The following MFSD11 variants were observed in gnomAD, a reference collection of about 807,000 sequenced individuals.
MFSD11 encodes the protein major facilitator superfamily domain containing 11, also known as UNC93-like protein MFSD11.
MFSD11 carries 36 observed loss-of-function variants against 53.5 expected under a neutral mutation model. The ratio of observed to expected loss-of-function variants is 0.67; its 90% CI spans 0.52 to 0.89. The LOEUF (loss-of-function observed/expected upper bound fraction) is 0.89, where lower values mean the gene tolerates loss of function less well. Among genes scored for constraint, MFSD11 ranks in the 40% least tolerant of loss-of-function variants. The pLI is 0.00. For synonymous variants in MFSD11, 186 were observed against 184.9 expected (o/e 1.01, Z -0.05); for missense variants, 530 against 543.9 (o/e 0.97, Z 0.25).
chr17:76,780,597 C>T (rs191706865), downstream of MFSD11, among the ~76,000 whole-genome samples: 7 of 151,674 alleles, frequency 4.6e-5, no homozygotes, highest in Admixed American at 4.6e-4. Flanking sequence ...CTCACTGCAA[C>T]CTCCGCCTCC....
intron 7 of MFSD11, among the ~76,000 whole-genome samples, chr17:76,753,815 G>T (rs1343301428): frequency 6.6e-6 from 1 of 152,054 alleles, no homozygotes; most frequent in Non-Finnish European, 1.5e-5. Flanking sequence ...TAATCTGAAA[G>T]AATAGTCTTC....
chr17:76,754,172 A>C, intron 8 of MFSD11, 85 bp downstream of exon 8: 1 of 1,089,532 alleles, frequency 9.2e-7, no homozygotes, highest in Non-Finnish European at 1.4e-6. Flanking sequence ...GTAACTTTGG[A>C]TTGATGACAC....
chr17:76,749,611 G>C (rs2078867288), intron 7 of MFSD11, among the ~76,000 whole-genome samples: 1 of 151,660 alleles, frequency 6.6e-6, no homozygotes, highest in African/African-American at 2.4e-5. Flanking sequence ...AATAAAGCAG[G>C]CTGGGCACGG....
At chr17:76,787,211 C>T in the MFSD11 span, among the ~76,000 whole-genome samples, 56 of 151,094 alleles carry the variant, frequency 3.7e-4, no homozygotes, top group East Asian at 0.01. Flanking sequence ...TCTCGACTCA[C>T]CGCAACCTCC....
downstream of MFSD11, among the ~76,000 whole-genome samples, chr17:76,785,488 C>T (rs1057149146): frequency 1.3e-5 from 2 of 152,072 alleles, no homozygotes; most frequent in Admixed American, 1.3e-4. Flanking sequence ...CAAGCGCATC[C>T]CACCACACTC....
chr17:76,753,290 GTC>G (rs1202946764), intron 7 of MFSD11, among the ~76,000 whole-genome samples: 13 of 152,160 alleles, frequency 8.5e-5, no homozygotes, highest in African/African-American at 3.1e-4. Context: ...AATAACAAAA[GTC>G]TCTGACGGGT....
At chr17:76,743,158 G>A (rs1319144077) in intron 5 of MFSD11, among the ~76,000 whole-genome samples, 1 of 152,044 alleles carries the variant, frequency 6.6e-6, no homozygotes, top group Non-Finnish European at 1.5e-5. Context: ...TTCTTTGAAG[G>A]GTGCCTCTGA....
At chr17:76,742,400 C>T (rs545657799) in intron 5 of MFSD11, 127 bp downstream of exon 5, 59 of 733,558 alleles carry the variant, frequency 8.0e-5, no homozygotes, top group Admixed American at 2.7e-4. Context: ...CTAAATGTGA[C>T]GTGATTCCAA....
At chr17:76,779,381 A>G (rs963651979), downstream of MFSD11, 5 of 151,934 alleles carry the variant, frequency 3.3e-5, no homozygotes, top group African/African-American at 9.7e-5. Flanking sequence ...TAAATGTTTC[A>G]TTTGATAAGT....
intron 6 of MFSD11, among the ~76,000 whole-genome samples, chr17:76,743,932 C>T (rs1204448616): frequency 6.6e-6 from 1 of 152,102 alleles, no homozygotes; most frequent in Non-Finnish European, 1.5e-5. Flanking sequence ...TATTACTAAA[C>T]TAGGATTATA....
chr17:76,755,829 T>A lies in MFSD11; in HGVS notation c.682+1742T>A, dbSNP rs1379287323. 5.1e-4 allele frequency among the ~76,000 whole-genome samples: 42 copies of A among 83,132 alleles called. 2 individuals are homozygous for A. The highest frequency in any genetic ancestry group is 1.3e-3 in the African/African-American group (30 of 23,398). 54.5% of individuals were successfully genotyped at this position (83,132 alleles called of 152,430 possible). On this transcript the variant is annotated intron_variant, in intron 8 of 12. Coordinates refer to ENST00000685175, the MANE Select transcript of MFSD11 (RefSeq NM_001242532.5). ...ATATATATATTTTTTTTTTTTTTTT[T>A]TTTTTTTTTTTGAGATGGAGTTTTG...
At chr17:76,757,688 A>G (rs978639639) in intron 8 of MFSD11, among the ~76,000 whole-genome samples, 1 of 152,220 alleles carries the variant, frequency 6.6e-6, no homozygotes, top group African/African-American at 2.4e-5. Flanking sequence ...AAGTTCTTCT[A>G]CTAGGATGAA....
chr17:76,785,968 G>A (rs2082268798), downstream of MFSD11, among the ~76,000 whole-genome samples: 1 of 150,784 alleles, frequency 6.6e-6, no homozygotes, highest in Admixed American at 6.6e-5. Context: ...AATCCTACTT[G>A]GGAGGCTGAG....
intron 8 of MFSD11, among the ~76,000 whole-genome samples, chr17:76,760,779 C>T (rs973495928): frequency 1.3e-5 from 2 of 152,068 alleles, no homozygotes; most frequent in Non-Finnish European, 2.9e-5. Context: ...GATCTGTTCA[C>T]CTTCGCCTCC....
chr17:76,749,221 A>G (rs568105613), intron 7 of MFSD11, among the ~76,000 whole-genome samples: 3 of 152,316 alleles, frequency 2.0e-5, no homozygotes, highest in South Asian at 4.1e-4. Context: ...CACAGGATGA[A>G]TGTGATGGCC....
downstream of MFSD11, among the ~76,000 whole-genome samples, chr17:76,786,074 C>CAA (rs35306490): frequency 7.7e-3 from 586 of 75,784 alleles, 6 homozygotes; most frequent in Middle Eastern, 0.011. Flanking sequence ...GACTCCATCT[C>CAA]AAAAAAAAAA....
chr17:76,803,499 C>A, the MFSD11 span, among the ~76,000 whole-genome samples: 2 of 152,128 alleles, frequency 1.3e-5, no homozygotes, highest in Non-Finnish European at 2.9e-5. Flanking sequence ...AGATTCTGAC[C>A]CTCCTTAAAC....
chr17:76,762,946 C>T (rs975880826), intron 8 of MFSD11, among the ~76,000 whole-genome samples: 8 of 151,808 alleles, frequency 5.3e-5, no homozygotes, highest in African/African-American at 1.9e-4. Flanking sequence ...ACAAGGCTGC[C>T]TTCAGCTAAG....
At chr17:76,746,086 G>A (rs532086207) in intron 7 of MFSD11, among the ~76,000 whole-genome samples, 202 of 152,300 alleles carry the variant, frequency 1.3e-3, no homozygotes, top group Non-Finnish European at 2.3e-3. Context: ...AAAAGTTTTT[G>A]AAGGGACTCA....
Sources: allele counts gnomAD v4.1 joint callset (sites outside exome capture counted in the v4.1 genomes callset), GRCh38; gene constraint gnomAD v4.1.1; transcripts MANE v1.5; gene names NCBI Gene and HGNC (gene_info 2026-07-23, HGNC 2026-07-21).